The following SCFD2 variants were observed in gnomAD, a reference collection of about 807,000 sequenced individuals.
SCFD2 encodes the protein sec1 family domain containing 2.
In SCFD2, 54 loss-of-function variants were observed where a neutral mutation model predicts 58.9. The observed-to-expected ratio is 0.92, with a 90% confidence interval of 0.74 to 1.15. The LOEUF (loss-of-function observed/expected upper bound fraction) is 1.15. SCFD2 is among the 50% of genes most tolerant of loss of function. SCFD2 has a pLI of 0.00. For synonymous variants in SCFD2, 321 were observed against 335.9 expected (o/e 0.96, Z 0.49); for missense variants, 805 against 836.6 (o/e 0.96, Z 0.47).
chr4:53,020,429 G>A (rs977194139), intron 5 of SCFD2, among the ~76,000 whole-genome samples: 3 of 152,178 alleles, frequency 2.0e-5, no homozygotes, highest in South Asian at 2.1e-4. Context: ...TTTTCAGAGA[G>A]CCTCAAAAGG....
chr4:53,207,162 C>T lies in SCFD2; in HGVS notation c.1312-61580G>A, dbSNP rs142064997. Among the ~76,000 whole-genome samples, 16 of 151,872 alleles carry T rather than the reference C, an allele frequency of 1.1e-4. No homozygotes were observed. The East Asian group carries it at 2.5e-3, about 24-fold the overall frequency. ...TGATAATACATTAATCCATTAGTGACGGTTTTGCCCTTATGACCCAATTAC... is the reference window on the plus strand; with the variant it reads ...TGATAATACATTAATCCATTAGTGATGGTTTTGCCCTTATGACCCAATTAC... On this transcript the variant is annotated intron_variant, in intron 4 of 8. Transcript: ENST00000401642.
intron 3 of SCFD2, among the ~76,000 whole-genome samples, chr4:53,296,516 A>G (rs1391150120): frequency 6.6e-6 from 1 of 151,472 alleles, no homozygotes; most frequent in Non-Finnish European, 1.5e-5. Flanking sequence ...TATCTATTTG[A>G]TTCTTCTCTC....
At position 53,176,831 on chromosome 4, in the gene SCFD2, C is replaced by A. The variant is rs1727345568; in HGVS notation, c.1312-31249G>T. ...GGGTGTGGTGGTGGTTGCCTGTAAT[C>A]CCAGCTATTCGGTATGCTGAGGCAG... On this transcript the variant is annotated intron_variant, in intron 4 of 8. Transcript: ENST00000401642. Among the ~76,000 whole-genome samples, 3 of 151,882 alleles carry A rather than the reference C, an allele frequency of 2.0e-5. No homozygotes were observed. In the South Asian group the frequency reaches 6.2e-4, roughly 32 times the overall value.
At chr4:53,256,562 G>A (rs1330044223) in intron 4 of SCFD2, among the ~76,000 whole-genome samples, 6 of 152,096 alleles carry the variant, frequency 3.9e-5, no homozygotes, top group South Asian at 2.1e-4. Context: ...CTGAGATCAC[G>A]CCACTGCACT....
intron 3 of SCFD2, among the ~76,000 whole-genome samples, chr4:53,286,829 C>T (rs1433879773): frequency 6.6e-6 from 1 of 152,062 alleles, no homozygotes; most frequent in Admixed American, 6.5e-5. Flanking sequence ...AGTTGTGTAC[C>T]CCCATTCCTG....
At chr4:53,055,850 G>T (rs1050318898) in intron 5 of SCFD2, among the ~76,000 whole-genome samples, 1 of 152,054 alleles carries the variant, frequency 6.6e-6, no homozygotes, top group Admixed American at 6.6e-5. Context: ...GTGCCCACTT[G>T]CTCAGACTCT....
At chr4:53,135,793 T>C (rs10033590) in intron 5 of SCFD2, among the ~76,000 whole-genome samples, 6,259 of 152,126 alleles carry the variant, frequency 0.041, 295 homozygotes, top group African/African-American at 0.11. Context: ...CTCCCTATTG[T>C]CCCTTTTAGT....
intron 4 of SCFD2, among the ~76,000 whole-genome samples, chr4:53,261,958 T>C (rs1730840818): frequency 6.6e-6 from 1 of 152,160 alleles, no homozygotes; most frequent in African/African-American, 2.4e-5. Flanking sequence ...TACTAGTCCT[T>C]TTATCATTAT....
intron 6 of SCFD2, among the ~76,000 whole-genome samples, chr4:52,908,036 C>T (rs1180015272): frequency 6.6e-6 from 1 of 152,186 alleles, no homozygotes; most frequent in Non-Finnish European, 1.5e-5. Context: ...TTACAATGTG[C>T]TGTCAATAAC....
chr4:53,255,876 TG>T (rs1360649846), intron 4 of SCFD2, among the ~76,000 whole-genome samples: 1 of 147,124 alleles, frequency 6.8e-6, no homozygotes, highest in African/African-American at 2.5e-5. Context: ...ACGGGGCGGC[TG>T]GCCGGGCAGA....
chr4:53,341,173 T>G (rs1393923608), intron 2 of SCFD2, among the ~76,000 whole-genome samples: 1 of 152,166 alleles, frequency 6.6e-6, no homozygotes, highest in Admixed American at 6.5e-5. Context: ...TAAAGGAGGA[T>G]GTTCGAAACC....
chr4:53,048,778 G>A (rs1723111645), intron 5 of SCFD2, among the ~76,000 whole-genome samples: 1 of 151,996 alleles, frequency 6.6e-6, no homozygotes, highest in Non-Finnish European at 1.5e-5. Context: ...CAGCCATGCT[G>A]CCTGCATTCC....
rs571844138 is a variant in SCFD2, at chr4:52,990,024, T to C, written c.1562-69154A>G. ...ATGTATAAATAGGCTCGAGGCAATC[T>C]ATCATTTACGCACATGCTCTCAGAT... On this transcript the variant is annotated intron_variant, in intron 5 of 8. Transcript: ENST00000401642. 1.3e-3 allele frequency among the ~76,000 whole-genome samples: 191 copies of C among 152,362 alleles called. 1 individual carries two copies. Among genetic ancestry groups the C allele is most frequent in the Non-Finnish European group, 2.6e-3 (175 of 68,036 alleles).
In SCFD2 at chr4:53,197,418, C is replaced by T. The variant is rs571706106; in HGVS notation, c.1312-51836G>A. Among the ~76,000 whole-genome samples the T allele has an allele frequency of 8.2e-3, 1,241 of 152,010 alleles. 16 individuals carry two copies. The highest frequency in any genetic ancestry group is 0.028 in the African/African-American group (1,167 of 41,482). Reference sequence around the variant, plus strand: ...CATCATGCTCACACTTAAAAGGACTCCAGGTCAGCCCAAAAGAGGAAAAAG... The same window carrying T: ...CATCATGCTCACACTTAAAAGGACTTCAGGTCAGCCCAAAAGAGGAAAAAG... On this transcript the variant is annotated intron_variant, in intron 4 of 8. Transcript: ENST00000401642.
In SCFD2 at chr4:53,027,757, G is replaced by A. The variant is rs1344966043; in HGVS notation, c.1562-106887C>T. On this transcript the variant is annotated intron_variant, in intron 5 of 8. Coordinates refer to ENST00000401642, the MANE Select transcript of SCFD2 (RefSeq NM_152540.4). Reference sequence around the variant, plus strand: ...GTGGGAGGATCGCTTGAGCCCAGGAGGCTGAGGCTGCAGTGAGCTGCATTC... The same window carrying A: ...GTGGGAGGATCGCTTGAGCCCAGGAAGCTGAGGCTGCAGTGAGCTGCATTC... 3.9e-5 allele frequency among the ~76,000 whole-genome samples: 6 copies of A among 152,182 alleles called. No homozygotes were observed. In the East Asian group the frequency reaches 1.2e-3, roughly 29 times the overall value.
intron 5 of SCFD2, among the ~76,000 whole-genome samples, chr4:53,074,719 G>C (rs1392388342): frequency 6.6e-6 from 1 of 152,000 alleles, no homozygotes; most frequent in Non-Finnish European, 1.5e-5. Context: ...GCAGAAAAAA[G>C]GAACTTTTTT....
chr4:53,109,080 G>A (rs1030005915), intron 5 of SCFD2, among the ~76,000 whole-genome samples: 2 of 152,122 alleles, frequency 1.3e-5, no homozygotes. Flanking sequence ...ATCAACAAAT[G>A]TAATCCATCA....
At chr4:53,109,168 C>G (rs1200453068) in intron 5 of SCFD2, among the ~76,000 whole-genome samples, 2 of 152,130 alleles carry the variant, frequency 1.3e-5, no homozygotes, top group Admixed American at 6.5e-5. Context: ...ATTCAACACC[C>G]CTTCATGCTA....
rs745849592 is a variant in SCFD2 at position 53,365,812 on chromosome 4, G to T, written c.130C>A (p.Arg44Ser). 2 of 1,613,976 alleles carry T rather than the reference G, an allele frequency of 1.2e-6. No individual in the cohort carries two copies. The highest frequency in any genetic ancestry group is 4.5e-5 in the East Asian group (2 of 44,878). Residue 44 changes from arginine to serine, a missense_variant, in exon 1 of 9, where the codon CGT (arginine) becomes AGT (serine). Transcript: ENST00000401642. This position sits in a 1 kb window ranked among gnomAD's most constrained non-coding sequence, Gnocchi z 4.3. ...ESLHWGCGST[R>S]LLEAVGGPDC... ...GGACCCCCCACCGCCTCCAGGAGAC[G>T]GGTGGATCCGCAGCCCCAGTGCAGG...
Sources: gnomAD v4.1 joint callset for allele counts (sites outside exome capture counted in the v4.1 genomes callset) on GRCh38, gnomAD v4.1.1 for gene constraint, Gnocchi (gnomAD v3.1) non-coding constraint, MANE v1.5 for transcripts, NCBI Gene and HGNC (gene_info 2026-07-23, HGNC 2026-07-21) for gene names.